Variants in HELQ observed in about 807,000 individuals in gnomAD.
HELQ encodes the protein helicase, POLQ like, also known as helicase POLQ-like.
HELQ carries 77 observed loss-of-function variants against 111.6 expected under a neutral mutation model. That is an observed-to-expected ratio of 0.69 (90% CI 0.57 to 0.83). HELQ has a LOEUF of 0.83. HELQ is among the 40% of genes least tolerant of loss of function. The pLI, the probability that HELQ is intolerant of heterozygous loss-of-function variation, is 0.00. For missense variants in HELQ, 1,200 were observed against 1,288.5 expected, an observed-to-expected ratio of 0.93 and a Z score of 1.05; for synonymous variants, 438 against 454.7, an observed-to-expected ratio of 0.96 and a Z score of 0.47.
At chr4:83,449,240 G>T (rs568337679) in intron 2 of HELQ, among the ~76,000 whole-genome samples, 1 of 152,168 alleles carries the variant, frequency 6.6e-6, no homozygotes, top group Non-Finnish European at 1.5e-5. Flanking sequence ...TAGCAGCCTC[G>T]TGGACAAGGA....
intron 17 of HELQ, 102 bp from the exon 18 acceptor site, chr4:83,407,662 A>C (rs1161336012): frequency 1.5e-6 from 1 of 686,446 alleles, no homozygotes; most frequent in Non-Finnish European, 2.6e-6. Flanking sequence ...TACACATCAG[A>C]AATCTAGACA....
chr4:83,422,701 A>T (rs1303482484), intron 14 of HELQ, among the ~76,000 whole-genome samples: 1 of 152,194 alleles, frequency 6.6e-6, no homozygotes, highest in Non-Finnish European at 1.5e-5. Context: ...ACTGTGGGAG[A>T]ATAAATTTCT....
chr4:83,429,527 T>C lies in HELQ; in HGVS notation c.2515A>G (p.Lys839Glu). The C allele has an allele frequency of 6.3e-7, 1 of 1,581,276 alleles. No homozygotes were observed. Among genetic ancestry groups the C allele is most frequent in the South Asian group, 1.1e-5 (1 of 89,048 alleles). The change falls in exon 12 of 18, where the codon AAG becomes GAG. Residue 839 changes from lysine (K) to glutamate (E), a missense_variant. Physicochemically the swap from Lys to Glu is moderately conservative, Grantham distance 56 (BLOSUM62 1). This residue lies in a region of HELQ where 585 missense variants were observed against 665.3 expected (regional missense o/e 0.88). Coordinates refer to ENST00000295488, the MANE Select transcript of HELQ (RefSeq NM_133636.5). ...TAAGATTTAGGTAAACTCTTACCCTTAAATGAAGCACGTCCCAACTTTGTA... is the reference window on the plus strand; with the variant it reads ...TAAGATTTAGGTAAACTCTTACCCTCAAATGAAGCACGTCCCAACTTTGTA... ...HITKLGRASF[K>E]GTIDLAYCDI... is the part of the protein sequence containing the mutation.
At chr4:83,430,013 A>C (rs561544969) in intron 11 of HELQ, among the ~76,000 whole-genome samples, 3 of 152,182 alleles carry the variant, frequency 2.0e-5, no homozygotes, top group Admixed American at 6.5e-5. Context: ...AGATCTTTAA[A>C]TAATTTTTCA....
intron 11 of HELQ, among the ~76,000 whole-genome samples, chr4:83,431,154 T>A (rs1488113820): frequency 1.3e-5 from 2 of 151,906 alleles, no homozygotes; most frequent in African/African-American, 4.8e-5. Context: ...CAGTGGCTCA[T>A]GCCTATAATC....
At chr4:83,416,302 C>A (rs1209406283) in intron 17 of HELQ, among the ~76,000 whole-genome samples, 1 of 150,508 alleles carries the variant, frequency 6.6e-6, no homozygotes, top group Non-Finnish European at 1.5e-5. Context: ...CTCAGTGCAG[C>A]CTTGAACTCC....
At chr4:83,415,379 C>A (rs1739305494) in intron 17 of HELQ, among the ~76,000 whole-genome samples, 1 of 152,162 alleles carries the variant, frequency 6.6e-6, no homozygotes, top group Admixed American at 6.5e-5. Flanking sequence ...AGAGGTAGTA[C>A]TCTGATGCAA....
chr4:83,411,940 A>T (rs1739127796), intron 17 of HELQ, among the ~76,000 whole-genome samples: 1 of 152,120 alleles, frequency 6.6e-6, no homozygotes, highest in African/African-American at 2.4e-5. Flanking sequence ...ACTACACCTG[A>T]GCCTGAACTC....
At chr4:83,413,612 A>G (rs1739215549) in intron 17 of HELQ, among the ~76,000 whole-genome samples, 1 of 152,144 alleles carries the variant, frequency 6.6e-6, no homozygotes, top group Admixed American at 6.5e-5. Context: ...TTTCCTTTCA[A>G]TCTAGGTCTT....
chr4:83,444,187 C>T (rs186427098), intron 5 of HELQ, among the ~76,000 whole-genome samples: 2 of 152,230 alleles, frequency 1.3e-5, no homozygotes, highest in Admixed American at 1.3e-4. Flanking sequence ...GGCTTCTAAA[C>T]AATAATAAAT....
intron 17 of HELQ, among the ~76,000 whole-genome samples, chr4:83,408,390 C>T (rs1265298788): frequency 6.6e-6 from 1 of 151,936 alleles, no homozygotes; most frequent in South Asian, 2.1e-4. Flanking sequence ...GTAGCTGGGA[C>T]TACAGGCATG....
At chr4:83,445,026 G>C (rs572676628) in intron 5 of HELQ, among the ~76,000 whole-genome samples, 1 of 152,316 alleles carries the variant, frequency 6.6e-6, no homozygotes, top group East Asian at 1.9e-4. Flanking sequence ...TAGTGGTAAT[G>C]AGGGATAGGA....
chr4:83,449,076 A>G (rs1208367006), intron 2 of HELQ, 115 bp from the exon 3 acceptor site: 1 of 750,390 alleles, frequency 1.3e-6, no homozygotes, highest in Non-Finnish European at 2.1e-6. Context: ...TCATAAGGAT[A>G]AATTTAATTA....
chr4:83,416,022 C>T (rs1231639166), intron 17 of HELQ, among the ~76,000 whole-genome samples: 1 of 151,378 alleles, frequency 6.6e-6, no homozygotes, highest in African/African-American at 2.4e-5. Context: ...TCTCGGCTCA[C>T]TGCCATCTCC....
At chr4:83,447,777 A>C (rs142855948) in intron 3 of HELQ, among the ~76,000 whole-genome samples, 1 of 150,184 alleles carries the variant, frequency 6.7e-6, no homozygotes, top group East Asian at 2.0e-4. Context: ...CATGAGAATT[A>C]CTTGAGTCTG....
intron 14 of HELQ, among the ~76,000 whole-genome samples, chr4:83,424,402 A>G (rs1179029173): frequency 6.6e-6 from 1 of 152,220 alleles, no homozygotes; most frequent in African/African-American, 2.4e-5. Context: ...AATTGTGATA[A>G]CATGAATGCT....
chr4:83,410,225 G>C (rs930694508), intron 17 of HELQ, among the ~76,000 whole-genome samples: 2 of 151,926 alleles, frequency 1.3e-5, no homozygotes, highest in Non-Finnish European at 2.9e-5. Context: ...CTCTAGCCTG[G>C]GTGACAGAGA....
chr4:83,438,604 T>C (rs1288496560), intron 8 of HELQ, among the ~76,000 whole-genome samples: 1 of 149,918 alleles, frequency 6.7e-6, no homozygotes, highest in African/African-American at 2.5e-5. Flanking sequence ...TAGTTGGGAG[T>C]GGTGGTGTGT....
At chr4:83,444,340 C>T (rs1248781872) in intron 5 of HELQ, among the ~76,000 whole-genome samples, 1 of 152,052 alleles carries the variant, frequency 6.6e-6, no homozygotes, top group Non-Finnish European at 1.5e-5. Context: ...CATGAAAAGT[C>T]CTCTATGAGA....
Sources: allele counts gnomAD v4.1 joint callset (sites outside exome capture counted in the v4.1 genomes callset), GRCh38; gene constraint gnomAD v4.1.1; regional missense constraint gnomAD v4.1.1; transcripts MANE v1.5; gene names NCBI Gene and HGNC (gene_info 2026-07-23, HGNC 2026-07-21).